Variants in ADHFE1 observed in about 807,000 individuals in gnomAD.
ADHFE1 encodes hydroxyacid-oxoacid transhydrogenase, mitochondrial.
ADHFE1 carries 37 observed loss-of-function variants against 54.8 expected under a neutral mutation model. The observed-to-expected ratio is 0.68, with a 90% CI of 0.52 to 0.89. The LOEUF (loss-of-function observed/expected upper bound fraction) is 0.89. Ranked by LOEUF, ADHFE1 falls within the 40% of genes least tolerant of loss-of-function variation. The pLI, the probability that ADHFE1 is intolerant of heterozygous loss-of-function variation, is 0.00. For missense variants in ADHFE1, 601 were observed against 591.2 expected (o/e 1.02, Z -0.17); for synonymous variants, 203 against 229.3 (o/e 0.89, Z 1.04).
Position 66,444,757 on chromosome 8 carries a change from G to A in ADHFE1, c.353+9G>A, listed in dbSNP as rs778440007. ...GAACCAACGGATTCAAGGTATTCTT[G>A]TATTGTTGTTATTGTTTCTTTACTT... On this transcript the variant is annotated intron_variant, in intron 5 of 13. Coordinates refer to ENST00000396623, the MANE Select transcript of ADHFE1 (RefSeq NM_144650.3). The A allele has an allele frequency of 3.7e-6, 6 of 1,613,416 alleles. No individual in the cohort carries two copies. The Admixed American group carries it at 5.0e-5, about 13-fold the overall frequency.
At chr8:66,456,412 TC>T (rs1806586116) in intron 10 of ADHFE1, among the ~76,000 whole-genome samples, 1 of 151,926 alleles carries the variant, frequency 6.6e-6, no homozygotes, top group Non-Finnish European at 1.5e-5. Context: ...CTCACAAAAT[TC>T]CCCCGACATC....
intron 13 of ADHFE1, among the ~76,000 whole-genome samples, chr8:66,463,217 A>C (rs570415965): frequency 6.6e-6 from 1 of 152,342 alleles, no homozygotes; most frequent in African/African-American, 2.4e-5. Flanking sequence ...TAAAATAGCA[A>C]CTTAATTAGG....
At chr8:66,434,645 A>T (rs560705878) in intron 1 of ADHFE1, among the ~76,000 whole-genome samples, 4 of 152,336 alleles carry the variant, frequency 2.6e-5, no homozygotes, top group Non-Finnish European at 5.9e-5. Context: ...ATGTGTGGCC[A>T]TTTCTATTGG....
chr8:66,465,576 GT>G (rs1469688872), intron 13 of ADHFE1, among the ~76,000 whole-genome samples: 1 of 152,028 alleles, frequency 6.6e-6, no homozygotes, highest in Non-Finnish European at 1.5e-5. Flanking sequence ...GCTGTTTGAG[GT>G]TTTTTGTTGG....
intron 1 of ADHFE1, among the ~76,000 whole-genome samples, chr8:66,436,742 G>C (rs1035677028): frequency 1.3e-5 from 2 of 152,164 alleles, no homozygotes; most frequent in Non-Finnish European, 2.9e-5. Context: ...GGTCACTAAG[G>C]GACTGAGTGT....
At position 66,445,262 on chromosome 8, in the gene ADHFE1, C is replaced by T. The variant is rs1476535221; in HGVS notation, c.398C>T (p.Ala133Val). The change falls in exon 6 of 14, where the codon GCC becomes GTC. Residue 133 changes from alanine to valine, a missense_variant. Coordinates refer to ENST00000396623, the MANE Select transcript of ADHFE1 (RefSeq NM_144650.3). ...IEFAQKGAFD[A>V]YVAVGGGSTM... ...TTTGCCCAAAAGGGAGCTTTTGATG[C>T]CTATGTTGCTGTCGGTGGTGGCTCT... The T allele has an allele frequency of 6.2e-7, 1 of 1,613,002 alleles. No individual in the cohort carries two copies. Among genetic ancestry groups the T allele is most frequent in the Non-Finnish European group, 8.5e-7 (1 of 1,179,680 alleles).
Position 66,451,969 on chromosome 8 carries a change from T to C in ADHFE1, c.751T>C (p.Tyr251His). Residue 251 changes from tyrosine to histidine, a missense_variant, in exon 9 of 14, where the codon TAC becomes CAC. Transcript: ENST00000396623. ...FDVLCHALES[Y>H]TTLPYHLRSP... ...TCTTTTTAGCCATGCCCTGGAGTCA[T>C]ACACCACCCTGCCCTACCACCTGCG... 5.0e-6 allele frequency: 8 copies of C among 1,614,110 alleles called. No individual in the cohort carries two copies. Among genetic ancestry groups the C allele is most frequent in the Non-Finnish European group, 6.8e-6 (8 of 1,180,016 alleles).
In ADHFE1 at chr8:66,439,607, G is replaced by A. The variant is rs1239433677; in HGVS notation, c.60-555G>A. The A allele has an allele frequency of 6.1e-6, 6 of 985,868 alleles. No homozygotes were observed. In the East Asian group the frequency reaches 3.4e-4, roughly 56 times the overall value. The allele number at this position is 985,868 out of a possible 1,614,324, so 61.1% of individuals were successfully genotyped here. A position where few individuals can be genotyped will look rare whatever the true frequency, so the allele number is the denominator to read the frequency against. On this transcript the variant is annotated intron_variant, in intron 1 of 13. Transcript: ENST00000396623. The surrounding 1 kb of genome is among the most constrained non-coding windows in gnomAD (Gnocchi z 4.4). ...GACGGAGGAGAGCTCGGAGCCCGGG[G>A]CTGCAACTGGGCAGAGAAAGATGGG...
intron 10 of ADHFE1, among the ~76,000 whole-genome samples, chr8:66,454,693 A>G (rs1806479234): frequency 6.6e-6 from 1 of 151,580 alleles, no homozygotes; most frequent in Non-Finnish European, 1.5e-5. Context: ...AGCAACTACC[A>G]ATTTACTTTT....
At position 66,446,453 on chromosome 8, in the gene ADHFE1, C is replaced by T. The variant is rs1008806368; in HGVS notation, c.551-811C>T. ...CCAGCTGCAGCTGCTTAAGCTCTGGCCCCCAAGGAGCCTGAGGTTCCCAGA... is the reference window on the plus strand; with the variant it reads ...CCAGCTGCAGCTGCTTAAGCTCTGGTCCCCAAGGAGCCTGAGGTTCCCAGA... On this transcript the variant is annotated intron_variant, in intron 6 of 13. Transcript: ENST00000396623. Among the ~76,000 whole-genome samples the T allele has an allele frequency of 5.6e-4, 85 of 152,306 alleles. 1 individual carries two copies. Among genetic ancestry groups the T allele is most frequent in the African/African-American group, 2.0e-3 (82 of 41,564 alleles).
intron 2 of ADHFE1, among the ~76,000 whole-genome samples, chr8:66,441,121 A>C (rs1805723589): frequency 6.6e-6 from 1 of 152,266 alleles, no homozygotes; most frequent in Non-Finnish European, 1.5e-5. Context: ...AGTTGGTTTC[A>C]ACAATTAGTT....
At chr8:66,447,551 A>G (rs930435021) in intron 7 of ADHFE1, among the ~76,000 whole-genome samples, 1 of 152,248 alleles carries the variant, frequency 6.6e-6, no homozygotes, top group Non-Finnish European at 1.5e-5. Context: ...AAAAGTACTC[A>G]GAGTGATGGA....
Position 66,454,664 on chromosome 8 carries a change from C to T in ADHFE1, c.986+507C>T, listed in dbSNP as rs537344331. The stretch of plus-strand genomic sequence containing the variant: ...CCTCCTAGCTTCATCCACCAATCCC[C>T]CCACCTTCCCTAATACTTAGCAACT... On this transcript the variant is annotated intron_variant, in intron 10 of 13. Coordinates refer to ENST00000396623, the MANE Select transcript of ADHFE1 (RefSeq NM_144650.3). Among the ~76,000 whole-genome samples, 6 of 152,204 alleles carry T rather than the reference C, an allele frequency of 3.9e-5. No homozygotes were observed. The East Asian group carries it at 7.7e-4, about 20-fold the overall frequency.
intron 8 of ADHFE1, 115 bp from the exon 9 acceptor site, chr8:66,451,838 T>C: frequency 3.3e-6 from 4 of 1,217,592 alleles, no homozygotes; most frequent in Non-Finnish European, 4.6e-6. Flanking sequence ...CAGTGTTAGA[T>C]AATATATCCA....
At position 66,439,580 on chromosome 8, in the gene ADHFE1, G is replaced by C; in HGVS notation, c.60-582G>C. 2 of 985,936 alleles carry C rather than the reference G, an allele frequency of 2.0e-6. No homozygotes were observed. Among genetic ancestry groups the C allele is most frequent in the Non-Finnish European group, 1.2e-6 (1 of 830,306 alleles). 61.1% of individuals were successfully genotyped at this position (985,936 alleles called of 1,614,324 possible). ...GGGGCCTCTGGGGAGCGGCGCGGCG[G>C]GGACGGAGGAGAGCTCGGAGCCCGG... On this transcript the variant is annotated intron_variant, in intron 1 of 13. Coordinates refer to ENST00000396623, the MANE Select transcript of ADHFE1 (RefSeq NM_144650.3). This position sits in a 1 kb window ranked among gnomAD's most constrained non-coding sequence, Gnocchi z 4.4.
At chr8:66,466,701 G>T (rs1022346070) in intron 13 of ADHFE1, among the ~76,000 whole-genome samples, 1 of 152,206 alleles carries the variant, frequency 6.6e-6, no homozygotes, top group African/African-American at 2.4e-5. Flanking sequence ...TTCAGATAAT[G>T]ATTAGTGTAT....
chr8:66,454,910 G>T (rs575486531), intron 10 of ADHFE1, among the ~76,000 whole-genome samples: 1 of 151,848 alleles, frequency 6.6e-6, no homozygotes, highest in African/African-American at 2.4e-5. Context: ...TAGAGACGGG[G>T]TTTCACCATG....
Position 66,460,422 on chromosome 8 carries a change from C to T in ADHFE1, c.1277C>T (p.Ser426Phe). 1 of 1,611,232 alleles carries T rather than the reference C, an allele frequency of 6.2e-7. No individual in the cohort carries two copies. Among genetic ancestry groups the T allele is most frequent in the Non-Finnish European group, 8.5e-7 (1 of 1,177,798 alleles). The change falls in exon 13 of 14, where the codon TCC (serine) becomes TTC (phenylalanine). Residue 426 changes from serine (S) to phenylalanine (F), a missense_variant. Transcript: ENST00000396623. The stretch of plus-strand genomic sequence containing the variant: ...GATGGCCTAGCAGCTGTTGGTTACT[C>T]CAAAGCTGATATCCCCGCACTAGTG... ...VDDGLAAVGY[S>F]KADIPALVKG...
intron 13 of ADHFE1, among the ~76,000 whole-genome samples, chr8:66,462,530 A>C (rs931041169): frequency 2.0e-5 from 3 of 152,112 alleles, no homozygotes; most frequent in Non-Finnish European, 4.4e-5. Flanking sequence ...AGGGTTATAG[A>C]TATGAGCCAC....
Sources: allele counts gnomAD v4.1 joint callset (sites outside exome capture counted in the v4.1 genomes callset), GRCh38; gene constraint gnomAD v4.1.1; non-coding constraint Gnocchi (gnomAD v3.1); transcripts MANE v1.5; gene names NCBI Gene and HGNC (gene_info 2026-07-23, HGNC 2026-07-21).